The following CELF2 variants were observed in gnomAD, a reference collection of about 807,000 sequenced individuals.
CELF2 encodes the protein CUG triplet repeat RNA-binding protein 2.
In CELF2, 8 loss-of-function variants were observed where a neutral mutation model predicts 62.6. That is an observed-to-expected ratio of 0.13 (90% CI 0.07 to 0.23). The LOEUF is 0.23. Ranked by LOEUF, CELF2 falls within the 10% of genes least tolerant of loss-of-function variation. The pLI, the probability that CELF2 is intolerant of heterozygous loss-of-function variation, is 1.00. For missense variants in CELF2, 333 were observed against 671.0 expected, an observed-to-expected ratio of 0.50 and a Z score of 5.56; for synonymous variants, 258 against 250.0, an observed-to-expected ratio of 1.03 and a Z score of -0.30.
intron 1 of CELF2, among the ~76,000 whole-genome samples, chr10:10,894,719 C>T (rs1458114928): frequency 6.6e-6 from 1 of 152,156 alleles, no homozygotes; most frequent in Non-Finnish European, 1.5e-5. Flanking sequence ...GCCTGTCAGG[C>T]ATCATATTTA....
chr10:11,122,419 GT>G (rs1370863430), intron 1 of CELF2, among the ~76,000 whole-genome samples: 18 of 152,300 alleles, frequency 1.2e-4, no homozygotes, highest in African/African-American at 3.6e-4. Context: ...AGGCTTTTAT[GT>G]TGTTCAGAAA....
chr10:10,729,512 T>A, the CELF2 span, among the ~76,000 whole-genome samples: 1 of 152,254 alleles, frequency 6.6e-6, no homozygotes. Context: ...TTATTCCTAA[T>A]AATAACATCA....
rs531379833 is a variant in CELF2 at position 10,835,773 on chromosome 10, C to A, written c.53+36956C>A. 3.3e-5 allele frequency among the ~76,000 whole-genome samples: 5 copies of A among 152,286 alleles called. No individual in the cohort carries two copies. The East Asian group carries it at 9.6e-4, about 29-fold the overall frequency. The stretch of plus-strand genomic sequence containing the variant: ...GTAGAAAAAGAGGCATAGTTTATCC[C>A]TCTGGATTTCATGATTTCATGGGGG... On this transcript the variant is annotated intron_variant, in intron 1 of 13. Transcript: ENST00000636488.
the CELF2 span, among the ~76,000 whole-genome samples, chr10:10,643,168 G>A: frequency 6.6e-6 from 1 of 152,180 alleles, no homozygotes; most frequent in Non-Finnish European, 1.5e-5. Context: ...CCCTTGGCAG[G>A]GTCAGGTTTC....
rs1192581124 is a variant in CELF2, at chr10:11,159,036, G to C, written c.75-6450G>C. ...AATGACAATTTGACCATTTAGAGAAGGGCTTTGACTTTGTAATGTTTAGGG... is the reference window on the plus strand; with the variant it reads ...AATGACAATTTGACCATTTAGAGAACGGCTTTGACTTTGTAATGTTTAGGG... On this transcript the variant is annotated intron_variant, in intron 1 of 12. Coordinates refer to ENST00000633077, the MANE Select transcript of CELF2 (RefSeq NM_001326342.2). This position sits in a 1 kb window ranked among gnomAD's most constrained non-coding sequence, Gnocchi z 5.0. Among the ~76,000 whole-genome samples the C allele has an allele frequency of 1.3e-5, 2 of 152,186 alleles. No individual in the cohort carries two copies. The highest frequency in any genetic ancestry group is 2.9e-5 in the Non-Finnish European group (2 of 68,034).
At chr10:10,845,983 A>G (rs1032802276) in intron 1 of CELF2, 1 of 257,808 alleles carries the variant, frequency 3.9e-6, no homozygotes, top group African/African-American at 2.3e-5. Flanking sequence ...ATGGTACATC[A>G]AGACGTAAGT....
chr10:10,726,690 A>G, the CELF2 span, among the ~76,000 whole-genome samples: 1 of 152,102 alleles, frequency 6.6e-6, no homozygotes, highest in Non-Finnish European at 1.5e-5. Context: ...AAAATGTTTA[A>G]ATGTTGTCCT....
chr10:10,711,574 C>G, the CELF2 span, among the ~76,000 whole-genome samples: 1 of 152,154 alleles, frequency 6.6e-6, no homozygotes, highest in Non-Finnish European at 1.5e-5. Context: ...AAAGTAACCA[C>G]ATGCACCATG....
At chr10:10,526,910 A>G in the CELF2 span, among the ~76,000 whole-genome samples, 1 of 152,212 alleles carries the variant, frequency 6.6e-6, no homozygotes, top group Non-Finnish European at 1.5e-5. Flanking sequence ...AGGAAGTCCT[A>G]CCCTTGGACC....
chr10:10,796,907 T>C (rs1314536328), upstream of CELF2: 1 of 984,920 alleles, frequency 1.0e-6, no homozygotes, highest in Non-Finnish European at 1.2e-6. Context: ...GTACGAGGTA[T>C]GAAATTCTCT....
At chr10:10,867,723 A>T (rs1028671975) in intron 1 of CELF2, among the ~76,000 whole-genome samples, 1 of 152,212 alleles carries the variant, frequency 6.6e-6, no homozygotes, top group Admixed American at 6.5e-5. Flanking sequence ...GCAATCCAAG[A>T]TCAATCCAGT....
In CELF2 at chr10:11,280,711, G is replaced by T. The variant is rs1427057132; in HGVS notation, c.841+5591G>T. Among the ~76,000 whole-genome samples, 1 of 152,214 alleles carries T rather than the reference G, an allele frequency of 6.6e-6. No homozygotes were observed. The highest frequency in any genetic ancestry group is 1.5e-5 in the Non-Finnish European group (1 of 68,038). ...GGGGCAGGATGGACAGAGGACACAT[G>T]GGCCACGGCCTCTGCCTGGCTGAGT... On this transcript the variant is annotated intron_variant, in intron 8 of 12. Transcript: ENST00000633077. This position sits in a 1 kb window ranked among gnomAD's most constrained non-coding sequence, Gnocchi z 7.6.
Position 11,328,467 on chromosome 10 carries a change from C to T in CELF2, c.1439-459C>T, listed in dbSNP as rs1347543423. Among the ~76,000 whole-genome samples the T allele has an allele frequency of 6.6e-6, 1 of 152,206 alleles. No individual in the cohort carries two copies. Among genetic ancestry groups the T allele is most frequent in the East Asian group, 1.9e-4 (1 of 5,196 alleles). ...TGCTGTTCTCCAGCCCTTCCCTTCC[C>T]GAGCCTGCCTGTTGGCCTCACCTGG... is the stretch of plus-strand genomic sequence containing the variant. On this transcript the variant is annotated intron_variant, in intron 12 of 12. Coordinates refer to ENST00000633077, the MANE Select transcript of CELF2 (RefSeq NM_001326342.2). This position sits in a 1 kb window ranked among gnomAD's most constrained non-coding sequence, Gnocchi z 6.4.
rs35548177 is a variant in CELF2, at chr10:10,944,878, T to A, written c.89+24879T>A. ...TCAGCCTCCCAAAGTGCTGGAATTA[T>A]AGGCATGAGTCCCTGCATCCAGCCA... is the stretch of plus-strand genomic sequence containing the variant. On this transcript the variant is annotated intron_variant, in intron 2 of 13. Coordinates refer to the CELF2 transcript ENST00000636488. Among the ~76,000 whole-genome samples the A allele has an allele frequency of 6.8e-3, 1,041 of 152,200 alleles. 7 individuals carry two copies. Among genetic ancestry groups the A allele is most frequent in the Admixed American group, 0.013 (203 of 15,286 alleles).
At chr10:11,279,647 A>G (rs1214882460) in intron 8 of CELF2, among the ~76,000 whole-genome samples, 1 of 152,204 alleles carries the variant, frequency 6.6e-6, no homozygotes, top group Non-Finnish European at 1.5e-5. Context: ...ATGCTTATTG[A>G]TATGCAGATT....
chr10:10,922,042 T>G (rs1214201670), intron 2 of CELF2, among the ~76,000 whole-genome samples: 1 of 152,130 alleles, frequency 6.6e-6, no homozygotes, highest in East Asian at 1.9e-4. Flanking sequence ...TGCCATCTGT[T>G]ACCGGAGATA....
At chr10:10,566,512 C>T in the CELF2 span, among the ~76,000 whole-genome samples, 1 of 150,606 alleles carries the variant, frequency 6.6e-6, no homozygotes, top group African/African-American at 2.4e-5. Context: ...TGGTGCACTG[C>T]ACCCACTAAC....
rs1312499952 is a variant in CELF2 at position 11,328,778 on chromosome 10, A to ACTCACGAT, written c.1439-146_1439-139dup. The ACTCACGAT allele has an allele frequency of 1.3e-6, 1 of 765,214 alleles. No individual in the cohort carries two copies. Among genetic ancestry groups the ACTCACGAT allele is most frequent in the Non-Finnish European group, 2.0e-6 (1 of 506,356 alleles). The allele number at this position is 765,214 out of a possible 1,614,324, so 47.4% of individuals were successfully genotyped here. On this transcript the variant is annotated intron_variant, in intron 12 of 12. Coordinates refer to ENST00000633077, the MANE Select transcript of CELF2 (RefSeq NM_001326342.2). This position sits in a 1 kb window ranked among gnomAD's most constrained non-coding sequence, Gnocchi z 6.4. The stretch of plus-strand genomic sequence containing the variant: ...ACGCCCCATCATCCACTCACGGTGG[A>ACTCACGAT]CTCACGATCAGTTCCGCAGAGCTGT...
intron 2 of CELF2, among the ~76,000 whole-genome samples, chr10:11,198,073 C>T (rs1396642418): frequency 6.6e-6 from 1 of 152,148 alleles, no homozygotes; most frequent in East Asian, 1.9e-4. Context: ...ATTTGTGGTT[C>T]CACGGCTTTT....
Sources: gnomAD v4.1 joint callset for allele counts (sites outside exome capture counted in the v4.1 genomes callset) on GRCh38, gnomAD v4.1.1 for gene constraint, Gnocchi (gnomAD v3.1) non-coding constraint, MANE v1.5 for transcripts, NCBI Gene and HGNC (gene_info 2026-07-23, HGNC 2026-07-21) for gene names.